Variants in ABI3BP observed in about 807,000 individuals in gnomAD.
ABI3BP encodes ABI family member 3 binding protein.
In ABI3BP, 216 loss-of-function variants were observed where a neutral mutation model predicts 268.6. The ratio of observed to expected loss-of-function variants is 0.80; its 90% CI spans 0.72 to 0.90. The LOEUF (loss-of-function observed/expected upper bound fraction) is 0.90, where lower values mean the gene tolerates loss of function less well. ABI3BP is among the 40% of genes least tolerant of loss of function. The probability of loss-of-function intolerance (pLI) is 0.00; values close to 1 mark genes in which losing one functional copy is unlikely to be tolerated. For synonymous variants in ABI3BP, 730 were observed against 730.0 expected (o/e 1.00, Z 0.00); for missense variants, 2,090 against 2,182.4 (o/e 0.96, Z 0.84).
intron 57 of ABI3BP, among the ~76,000 whole-genome samples, chr3:100,783,600 C>T (rs1054619375): frequency 6.6e-6 from 1 of 152,184 alleles, no homozygotes; most frequent in Non-Finnish European, 1.5e-5. Flanking sequence ...GTGAAAGAGA[C>T]TGTTTTGCCC....
chr3:100,959,096 C>T (rs2077886415), intron 1 of ABI3BP, among the ~76,000 whole-genome samples: 1 of 152,134 alleles, frequency 6.6e-6, no homozygotes, highest in Non-Finnish European at 1.5e-5. Flanking sequence ...TGCTCTATTC[C>T]TACAGGAGGG....
chr3:100,761,275 A>G (rs2095928760), intron 63 of ABI3BP, among the ~76,000 whole-genome samples: 2 of 152,150 alleles, frequency 1.3e-5, no homozygotes, highest in Admixed American at 1.3e-4. Context: ...GGATCCCCTA[A>G]AGAGATGAAA....
intron 1 of ABI3BP, among the ~76,000 whole-genome samples, chr3:100,955,692 G>C (rs995899812): frequency 1.3e-5 from 2 of 151,910 alleles, no homozygotes; most frequent in African/African-American, 4.8e-5. Flanking sequence ...AAGGAAGGTT[G>C]GTATTTATTT....
intron 63 of ABI3BP, among the ~76,000 whole-genome samples, chr3:100,755,713 T>C (rs2095579231): frequency 6.6e-6 from 1 of 152,194 alleles, no homozygotes; most frequent in Non-Finnish European, 1.5e-5. Flanking sequence ...GTAAAGCAAT[T>C]TGCCATTTGC....
At chr3:100,958,985 A>G (rs913282895) in intron 1 of ABI3BP, among the ~76,000 whole-genome samples, 8 of 152,188 alleles carry the variant, frequency 5.3e-5, no homozygotes, top group Non-Finnish European at 1.2e-4. Context: ...TATCTTTCCT[A>G]TGGAGCATAA....
intron 1 of ABI3BP, among the ~76,000 whole-genome samples, chr3:100,960,653 C>T (rs546322276): frequency 1.3e-5 from 2 of 152,218 alleles, no homozygotes; most frequent in Admixed American, 6.5e-5. Flanking sequence ...GCAGAAAGGA[C>T]GTCAGAGAGA....
chr3:100,927,944 T>C (rs1165233116), intron 1 of ABI3BP, among the ~76,000 whole-genome samples: 1 of 150,928 alleles, frequency 6.6e-6, no homozygotes, highest in Non-Finnish European at 1.5e-5. Context: ...AGTTTTTTTG[T>C]GTCTTTTTTT....
chr3:100,855,094 T>G (rs2098925460), intron 14 of ABI3BP, among the ~76,000 whole-genome samples: 1 of 152,102 alleles, frequency 6.6e-6, no homozygotes, highest in South Asian at 2.1e-4. Context: ...ACCTGGCTAA[T>G]TTTTTGTATT....
intron 28 of ABI3BP, 95 bp from the exon 29 acceptor site, chr3:100,834,868 C>T: frequency 8.4e-7 from 1 of 1,192,628 alleles, no homozygotes; most frequent in East Asian, 2.6e-5. Flanking sequence ...TTTCCTAAGT[C>T]TTGAGAAATT....
chr3:100,749,332 A>G lies in ABI3BP; in HGVS notation c.*1163T>C, dbSNP rs1385285220. ...TTCAGAAATAACAAACAAAAACTCA[A>G]TCTTAAAAAAAAACTACATCTCTTT... On this transcript the variant is annotated 3_prime_UTR_variant, in exon 68 of 68. Coordinates refer to ENST00000471714, the MANE Select transcript of ABI3BP (RefSeq NM_001375547.2). 1.6e-5 allele frequency: 2 copies of G among 122,442 alleles called. No individual in the cohort carries two copies. Among genetic ancestry groups the G allele is most frequent in the South Asian group, 5.6e-4 (1 of 1,800 alleles). The allele number at this position is 122,442 out of a possible 1,614,324, so 7.6% of individuals were successfully genotyped here.
chr3:100,956,007 G>A (rs2076699485), intron 1 of ABI3BP, among the ~76,000 whole-genome samples: 1 of 151,962 alleles, frequency 6.6e-6, no homozygotes, highest in African/African-American at 2.4e-5. Context: ...GCCCAACATA[G>A]TGAAACCCTG....
intron 41 of ABI3BP, among the ~76,000 whole-genome samples, chr3:100,817,869 G>A (rs968769962): frequency 6.6e-6 from 1 of 152,136 alleles, no homozygotes; most frequent in Non-Finnish European, 1.5e-5. Context: ...GTTAACTACT[G>A]TCTAAGTAAC....
At chr3:100,896,886 A>G (rs1160741789) in intron 4 of ABI3BP, among the ~76,000 whole-genome samples, 1 of 152,230 alleles carries the variant, frequency 6.6e-6, no homozygotes, top group Non-Finnish European at 1.5e-5. Context: ...AATATCTTCT[A>G]CATGTTTTTC....
intron 1 of ABI3BP, among the ~76,000 whole-genome samples, chr3:100,927,113 C>A (rs181997856): frequency 9.1e-4 from 139 of 152,154 alleles, no homozygotes; most frequent in African/African-American, 3.1e-3. Context: ...GGGTCGAGAC[C>A]CATCTGGGTG....
intron 2 of ABI3BP, among the ~76,000 whole-genome samples, chr3:100,921,735 C>T (rs2060292765): frequency 6.6e-6 from 1 of 151,978 alleles, no homozygotes; most frequent in South Asian, 2.1e-4. Context: ...TTTACTTTTG[C>T]ATGGAAAAGC....
At chr3:100,850,170 T>C in intron 16 of ABI3BP, 51 bp from the exon 17 acceptor site, 1 of 1,524,078 alleles carries the variant, frequency 6.6e-7, no homozygotes. Context: ...TAAAATGAGG[T>C]ATTTGAAGAA....
chr3:100,912,509 C>T (rs1398539844), intron 2 of ABI3BP, among the ~76,000 whole-genome samples: 3 of 151,922 alleles, frequency 2.0e-5, no homozygotes, highest in East Asian at 1.9e-4. Context: ...CAGTGTGGCA[C>T]ATCATGAGAC....
chr3:100,912,294 A>AC (rs1554109588), intron 2 of ABI3BP: 2 of 156,468 alleles, frequency 1.3e-5, no homozygotes, highest in East Asian at 1.8e-4. Context: ...AAAAAAAAAA[A>AC]AAAAAAAAAA....
At chr3:100,762,968 T>A (rs1009129921) in intron 63 of ABI3BP, among the ~76,000 whole-genome samples, 1 of 152,204 alleles carries the variant, frequency 6.6e-6, no homozygotes. Context: ...CCTGGCCAAA[T>A]CATTTATATG....
Sources: gnomAD v4.1 joint callset for allele counts (sites outside exome capture counted in the v4.1 genomes callset) on GRCh38, gnomAD v4.1.1 for gene constraint, MANE v1.5 for transcripts, NCBI Gene and HGNC (gene_info 2026-07-23, HGNC 2026-07-21) for gene names.